STRN3: variants seen among roughly 807,000 people sequenced by gnomAD.
The protein encoded by STRN3 is striatin 3.
In STRN3, 29 loss-of-function variants were observed where a neutral mutation model predicts 95.6. The observed-to-expected ratio is 0.30, with a 90% CI of 0.23 to 0.41. STRN3 has a LOEUF of 0.41. Ranked by LOEUF, STRN3 falls within the 10% of genes least tolerant of loss-of-function variation. The probability of loss-of-function intolerance (pLI) is 1.00; values close to 1 mark genes in which losing one functional copy is unlikely to be tolerated. For missense variants in STRN3, 890 were observed against 972.1 expected (o/e 0.92, Z 1.12); for synonymous variants, 331 against 357.6 (o/e 0.93, Z 0.84).
At chr14:30,952,232 C>T (rs1317478916) in intron 3 of STRN3, among the ~76,000 whole-genome samples, 1 of 152,070 alleles carries the variant, frequency 6.6e-6, no homozygotes, top group Non-Finnish European at 1.5e-5. Flanking sequence ...AATACTTCCC[C>T]GTAAGTTCCC....
chr14:31,021,067 G>T (rs1311854224), intron 1 of STRN3, among the ~76,000 whole-genome samples: 1 of 152,156 alleles, frequency 6.6e-6, no homozygotes, highest in Non-Finnish European at 1.5e-5. Flanking sequence ...CAGGGGGAAG[G>T]TTCAATGACC....
chr14:30,929,967 A>AAAAAAAAAAAAAAACAAAAAAAC (rs1555317336), intron 7 of STRN3, among the ~76,000 whole-genome samples: 5 of 91,208 alleles, frequency 5.5e-5, no homozygotes, highest in African/African-American at 1.5e-4. Context: ...AAAAAAAAAA[A>AAAAAAAAAAAAAAACAAAAAAAC]AAAAAAAAAA....
At chr14:30,958,505 A>C (rs1259167290) in intron 1 of STRN3, among the ~76,000 whole-genome samples, 3 of 152,178 alleles carry the variant, frequency 2.0e-5, no homozygotes, top group African/African-American at 7.2e-5. Flanking sequence ...TTCGTCATAC[A>C]CTTTTAAGTA....
At chr14:30,967,008 G>A (rs941484737) in intron 1 of STRN3, among the ~76,000 whole-genome samples, 1 of 151,530 alleles carries the variant, frequency 6.6e-6, no homozygotes, top group Non-Finnish European at 1.5e-5. Context: ...AGCCTTCCGG[G>A]ACAGGCAAGG....
chr14:30,983,173 G>A (rs1881493621), intron 1 of STRN3, among the ~76,000 whole-genome samples: 1 of 152,160 alleles, frequency 6.6e-6, no homozygotes, highest in Admixed American at 6.5e-5. Context: ...ATATGGAAAT[G>A]ACCATATGTG....
chr14:30,967,869 G>A (rs1347447064), intron 1 of STRN3, among the ~76,000 whole-genome samples: 1 of 152,120 alleles, frequency 6.6e-6, no homozygotes, highest in African/African-American at 2.4e-5. Flanking sequence ...ACAAAGATCC[G>A]ACCAGACCTA....
chr14:31,014,783 C>G (rs74555129), intron 1 of STRN3: 1 of 422,796 alleles, frequency 2.4e-6, no homozygotes, highest in African/African-American at 2.2e-5. Flanking sequence ...ACCTTTTTTT[C>G]TTTTTCATTA....
chr14:31,023,609 A>G (rs1162272120), intron 1 of STRN3, among the ~76,000 whole-genome samples: 2 of 152,162 alleles, frequency 1.3e-5, no homozygotes. Context: ...ACTGTACATA[A>G]TAATATGTAA....
intron 8 of STRN3, among the ~76,000 whole-genome samples, chr14:30,925,260 G>A (rs1480526256): frequency 5.3e-5 from 8 of 151,994 alleles, no homozygotes; most frequent in African/African-American, 1.9e-4. Context: ...AAAAAGAAGG[G>A]TGAGATGGAG....
intron 5 of STRN3, among the ~76,000 whole-genome samples, chr14:30,943,465 TG>T (rs1879190265): frequency 6.6e-6 from 1 of 152,058 alleles, no homozygotes; most frequent in South Asian, 2.1e-4. Context: ...CCAGGTGTGG[TG>T]GCATGTGGCT....
chr14:30,933,200 G>T (rs1260285344), intron 7 of STRN3, among the ~76,000 whole-genome samples: 1 of 148,110 alleles, frequency 6.8e-6, no homozygotes, highest in Non-Finnish European at 1.5e-5. Context: ...GACCCCTTGA[G>T]CCTGGGAGGT....
intron 1 of STRN3, among the ~76,000 whole-genome samples, chr14:30,965,990 TC>T (rs1425515830): frequency 6.6e-6 from 1 of 152,070 alleles, no homozygotes; most frequent in Non-Finnish European, 1.5e-5. Flanking sequence ...AATTACCTAC[TC>T]CACCCTGACT....
intron 9 of STRN3, among the ~76,000 whole-genome samples, chr14:30,916,376 G>A (rs1474498215): frequency 6.6e-6 from 1 of 150,700 alleles, no homozygotes; most frequent in Non-Finnish European, 1.5e-5. Context: ...CCAGGTTCAC[G>A]CCATTCTCCT....
rs1363003943 is a variant in STRN3, at chr14:30,895,236, A to C, written c.*175T>G. On this transcript the variant is annotated 3_prime_UTR_variant, in exon 18 of 18. Transcript: ENST00000357479. ...TTGTCCCACAAAATACAGTAATTACAGTTAACTTAATGAGCTTGACATTAA... is the reference window on the plus strand; with the variant it reads ...TTGTCCCACAAAATACAGTAATTACCGTTAACTTAATGAGCTTGACATTAA... 7.5e-6 allele frequency: 5 copies of C among 664,090 alleles called. No homozygotes were observed. The highest frequency in any genetic ancestry group is 2.5e-5 in the South Asian group (1 of 39,778). The allele number at this position is 664,090 out of a possible 1,614,324, so 41.1% of individuals were successfully genotyped here. A position where few individuals can be genotyped will look rare whatever the true frequency, so the allele number is the denominator to read the frequency against.
At chr14:30,980,006 T>C (rs1162508613) in intron 1 of STRN3, among the ~76,000 whole-genome samples, 1 of 151,850 alleles carries the variant, frequency 6.6e-6, no homozygotes, top group African/African-American at 2.4e-5. Context: ...CCCAACCACC[T>C]TGGGAGGCCA....
chr14:30,956,664 A>G (rs1482431866), intron 1 of STRN3, among the ~76,000 whole-genome samples: 2 of 152,222 alleles, frequency 1.3e-5, no homozygotes, highest in Non-Finnish European at 2.9e-5. Flanking sequence ...TAGCTAGTTT[A>G]TAATCCTTAA....
chr14:30,956,072 G>C (rs1208526237), intron 2 of STRN3, 67 bp downstream of exon 2: 2 of 1,385,094 alleles, frequency 1.4e-6, no homozygotes, highest in East Asian at 2.3e-5. Context: ...CAAATACAGA[G>C]TACAATGGTA....
chr14:31,022,118 G>A (rs778479079), intron 1 of STRN3, among the ~76,000 whole-genome samples: 13 of 152,086 alleles, frequency 8.5e-5, no homozygotes, highest in Non-Finnish European at 8.8e-5. Context: ...GGTGGTTCAC[G>A]CCTGTAATCC....
chr14:30,927,930 C>CAAA (rs56216107), intron 8 of STRN3, among the ~76,000 whole-genome samples: 22 of 85,050 alleles, frequency 2.6e-4, no homozygotes, highest in African/African-American at 5.8e-4. Flanking sequence ...GAGACTCCGT[C>CAAA]AAAAAAAAAA....
Sources: gnomAD v4.1 joint callset for allele counts (sites outside exome capture counted in the v4.1 genomes callset) on GRCh38, gnomAD v4.1.1 for gene constraint, MANE v1.5 for transcripts, NCBI Gene and HGNC (gene_info 2026-07-23, HGNC 2026-07-21) for gene names.